Variants in ALPL observed in about 807,000 individuals in gnomAD.
The protein encoded by ALPL is alkaline phosphatase, tissue-nonspecific isozyme.
In ALPL, 42 loss-of-function variants were observed where a neutral mutation model predicts 51.3. The observed-to-expected ratio is 0.82, with a 90% CI of 0.64 to 1.06. The LOEUF is 1.06. Among genes scored for constraint, ALPL ranks in the 50% least tolerant of loss-of-function variants. The pLI is 0.00. For missense variants in ALPL, 589 were observed against 709.4 expected (o/e 0.83, Z 1.93); for synonymous variants, 279 against 296.4 (o/e 0.94, Z 0.60).
intron 1 of ALPL, among the ~76,000 whole-genome samples, chr1:21,524,190 G>A (rs940224625): frequency 6.6e-6 from 1 of 151,960 alleles, no homozygotes; most frequent in African/African-American, 2.4e-5. Context: ...TTTTAGTAGA[G>A]ACGGGGTTTC....
intron 1 of ALPL, among the ~76,000 whole-genome samples, chr1:21,553,158 T>TA (rs1030194576): frequency 6.6e-6 from 1 of 151,642 alleles, no homozygotes; most frequent in Non-Finnish European, 1.5e-5. Flanking sequence ...CAGTTTTTTT[T>TA]TCCACCTAAA....
chr1:21,523,999 C>CTTTTTTT (rs10571494), intron 1 of ALPL, among the ~76,000 whole-genome samples: 3 of 94,558 alleles, frequency 3.2e-5, no homozygotes, highest in Non-Finnish European at 4.0e-5. Context: ...CAAATCTCTG[C>CTTTTTTT]TTTTTTTTTT....
intron 1 of ALPL, among the ~76,000 whole-genome samples, chr1:21,549,997 A>C (rs1644300652): frequency 6.6e-6 from 1 of 152,206 alleles, no homozygotes; most frequent in Non-Finnish European, 1.5e-5. Context: ...ATGACTGGGC[A>C]ACTCCATGTG....
intron 1 of ALPL, chr1:21,551,567 G>A (rs1644321171): frequency 1.3e-5 from 2 of 152,002 alleles, no homozygotes; most frequent in Admixed American, 1.3e-4. Context: ...AAAAAATGTA[G>A]GAATCATCTG....
chr1:21,573,685 A>G lies in ALPL; in HGVS notation c.883A>G (p.Met295Val). Residue 295 changes from methionine (M) to valine (V), a missense_variant, in exon 9 of 12, where the codon ATG (methionine) becomes GTG (valine). Coordinates refer to ENST00000374840, the MANE Select transcript of ALPL (RefSeq NM_000478.6). ...CTCAGGTCTCTTCGAGCCAGGGGACATGCAGTACGAGCTGAACAGGAACAA... is the reference window on the plus strand; with the variant it reads ...CTCAGGTCTCTTCGAGCCAGGGGACGTGCAGTACGAGCTGAACAGGAACAA... ...YLLGLFEPGD[M>V]QYELNRNNVT... 1 of 1,613,934 alleles carries G rather than the reference A, an allele frequency of 6.2e-7. No individual in the cohort carries two copies. The highest frequency in any genetic ancestry group is 8.5e-7 in the Non-Finnish European group (1 of 1,179,958).
chr1:21,522,588 T>A (rs554193735), intron 1 of ALPL, among the ~76,000 whole-genome samples: 2 of 152,170 alleles, frequency 1.3e-5, no homozygotes, highest in South Asian at 4.1e-4. Context: ...CCTCCTCCCA[T>A]AACACACACC....
chr1:21,531,056 C>A lies in ALPL; in HGVS notation c.-105+21539C>A, dbSNP rs184882310. 5.4e-5 allele frequency among the ~76,000 whole-genome samples: 8 copies of A among 149,242 alleles called. No homozygotes were observed. The East Asian group carries it at 1.6e-3, about 29-fold the overall frequency. On this transcript the variant is annotated intron_variant, in intron 1 of 11. Coordinates refer to ENST00000374840, the MANE Select transcript of ALPL (RefSeq NM_000478.6). ...TCAACCTCTGTCTCTCAGGTTCAAG[C>A]AATTCTCGTGCCTCAGCCTCCCGAG...
intron 1 of ALPL, among the ~76,000 whole-genome samples, chr1:21,517,016 G>A (rs1201115507): frequency 6.6e-6 from 1 of 152,204 alleles, no homozygotes; most frequent in Non-Finnish European, 1.5e-5. Flanking sequence ...TTAGCCTATA[G>A]TTGGGCAAAT....
chr1:21,552,004 C>T (rs1349277163), intron 1 of ALPL, among the ~76,000 whole-genome samples: 6 of 150,180 alleles, frequency 4.0e-5, no homozygotes, highest in Non-Finnish European at 3.0e-5. Flanking sequence ...GGATTACAGG[C>T]GTGAGCCACC....
chr1:21,517,128 A>G (rs143748490), intron 1 of ALPL, among the ~76,000 whole-genome samples: 36 of 152,234 alleles, frequency 2.4e-4, no homozygotes, highest in African/African-American at 8.2e-4. Context: ...CTGGTTGGGT[A>G]CTCGAGGTGT....
chr1:21,546,676 T>C (rs1644257773), intron 1 of ALPL, among the ~76,000 whole-genome samples: 1 of 152,240 alleles, frequency 6.6e-6, no homozygotes, highest in Admixed American at 6.5e-5. Context: ...AAAGCCTCCG[T>C]AGGCTGCTGC....
At chr1:21,569,740 C>T (rs138855028) in intron 7 of ALPL, among the ~76,000 whole-genome samples, 13 of 152,160 alleles carry the variant, frequency 8.5e-5, no homozygotes, top group Non-Finnish European at 1.5e-4. Context: ...GGTCCAGGCC[C>T]ACATGGTGCC....
Position 21,554,008 on chromosome 1 carries a change from G to A in ALPL, c.-74G>A, listed in dbSNP as rs1644365435. On this transcript the variant is annotated 5_prime_UTR_variant, in exon 2 of 12. Coordinates refer to ENST00000374840, the MANE Select transcript of ALPL (RefSeq NM_000478.6). The stretch of plus-strand genomic sequence containing the variant: ...GAACATCAGTTAACATCTGACCACT[G>A]CCAGCCCACCCCCTCCCACCCACGT... The A allele has an allele frequency of 8.6e-7, 1 of 1,161,488 alleles. No individual in the cohort carries two copies. The highest frequency in any genetic ancestry group is 1.3e-6 in the Non-Finnish European group (1 of 768,558). 71.9% of individuals were successfully genotyped at this position (1,161,488 alleles called of 1,614,324 possible).
chr1:21,516,395 G>T (rs1236628812), intron 1 of ALPL, among the ~76,000 whole-genome samples: 5 of 151,624 alleles, frequency 3.3e-5, no homozygotes, highest in Admixed American at 2.6e-4. Context: ...GCTGGTCCCT[G>T]CCATGCCACT....
At chr1:21,509,133 G>C (rs767838870), upstream of ALPL, among the ~76,000 whole-genome samples, 10 of 152,116 alleles carry the variant, frequency 6.6e-5, no homozygotes, top group African/African-American at 2.4e-4. The surrounding 1 kb of genome is among the most constrained non-coding windows in gnomAD (Gnocchi z 6.0). Context: ...GGCTCGCTGA[G>C]AGAGGAAGGG....
chr1:21,567,956 C>G, intron 6 of ALPL, 148 bp from the exon 7 acceptor site: 1 of 1,034,212 alleles, frequency 9.7e-7, no homozygotes, highest in East Asian at 2.4e-5. Flanking sequence ...CAAGTAAGGC[C>G]CAGAGATGAC....
chr1:21,510,971 C>T (rs939947583), intron 1 of ALPL, among the ~76,000 whole-genome samples: 7 of 152,210 alleles, frequency 4.6e-5, no homozygotes, highest in African/African-American at 1.4e-4. Context: ...GTGATGATCC[C>T]GGTCCATGTG....
At chr1:21,520,005 G>T (rs1377906544) in intron 1 of ALPL, among the ~76,000 whole-genome samples, 1 of 152,018 alleles carries the variant, frequency 6.6e-6, no homozygotes, top group Non-Finnish European at 1.5e-5. Context: ...GCTGCCCCCC[G>T]CATCCCACCC....
chr1:21,544,824 A>C (rs139991446), intron 1 of ALPL, among the ~76,000 whole-genome samples: 240 of 152,332 alleles, frequency 1.6e-3, no homozygotes, highest in African/African-American at 5.6e-3. Context: ...ACGAAACCTA[A>C]ATAGAGTCAC....
Sources: allele counts gnomAD v4.1 joint callset (sites outside exome capture counted in the v4.1 genomes callset), GRCh38; gene constraint gnomAD v4.1.1; non-coding constraint Gnocchi (gnomAD v3.1); transcripts MANE v1.5; gene names NCBI Gene and HGNC (gene_info 2026-07-23, HGNC 2026-07-21).